The following DLGAP2 variants were observed in gnomAD, a reference collection of about 807,000 sequenced individuals.
DLGAP2 encodes the protein disks large-associated protein 2.
DLGAP2 carries 26 observed loss-of-function variants against 100.3 expected under a neutral mutation model. The observed-to-expected ratio is 0.26, with a 90% CI of 0.19 to 0.36. The LOEUF (loss-of-function observed/expected upper bound fraction) is 0.36. Ranked by LOEUF, DLGAP2 falls within the 10% of genes least tolerant of loss-of-function variation. The pLI, the probability that DLGAP2 is intolerant of heterozygous loss-of-function variation, is 1.00. For synonymous variants in DLGAP2, 886 were observed against 630.1 expected, an observed-to-expected ratio of 1.41 and a Z score of -6.08; for missense variants, 1,858 against 1,453.2, an observed-to-expected ratio of 1.28 and a Z score of -4.53.
At chr8:781,492 C>G (rs1211770224) in intron 1 of DLGAP2, among the ~76,000 whole-genome samples, 2 of 151,932 alleles carry the variant, frequency 1.3e-5, no homozygotes. Flanking sequence ...TTGAGACTTG[C>G]TACAACTGTG....
At chr8:1,676,659 G>A (rs1273877259) in intron 11 of DLGAP2, 41 bp downstream of exon 11, 1 of 1,575,248 alleles carries the variant, frequency 6.3e-7, no homozygotes, top group Non-Finnish European at 8.6e-7. Context: ...CCCCGAGCGA[G>A]GGCTCTTTGT....
intron 1 of DLGAP2, among the ~76,000 whole-genome samples, chr8:831,073 C>G (rs1308138505): frequency 1.3e-5 from 2 of 151,766 alleles, no homozygotes; most frequent in African/African-American, 4.8e-5. Context: ...TTTTTTTGTA[C>G]TTTTAGTAAA....
chr8:1,031,072 C>G (rs1431154157), intron 2 of DLGAP2, among the ~76,000 whole-genome samples: 2 of 152,208 alleles, frequency 1.3e-5, no homozygotes, highest in East Asian at 1.9e-4. Flanking sequence ...TTCCCAGAGC[C>G]TGCCTGGCGT....
intron 2 of DLGAP2, among the ~76,000 whole-genome samples, chr8:1,186,225 A>T (rs938295376): frequency 1.3e-5 from 2 of 152,258 alleles, no homozygotes; most frequent in Non-Finnish European, 2.9e-5. Flanking sequence ...AGTCTGTGGT[A>T]GGTGCCCTAG....
intron 2 of DLGAP2, among the ~76,000 whole-genome samples, chr8:1,049,873 C>G (rs1802624013): frequency 1.4e-5 from 1 of 71,978 alleles, no homozygotes; most frequent in South Asian, 4.0e-4. Context: ...CATTTACAGT[C>G]ACACACAAGT....
chr8:1,214,128 C>G lies in DLGAP2; in HGVS notation c.74-44723C>G, dbSNP rs75559315. 2.9e-3 allele frequency among the ~76,000 whole-genome samples: 442 copies of G among 152,314 alleles called. 14 individuals are homozygous for G. The East Asian group carries it at 0.06, about 21-fold the overall frequency. The stretch of plus-strand genomic sequence containing the variant: ...GGGGCCTTGCGTCTTACCACACTTT[C>G]TCCCAGCCCCCTTCCCTCCACACCT... On this transcript the variant is annotated intron_variant, in intron 2 of 14. Transcript: ENST00000637795.
At chr8:1,327,005 T>G in intron 3 of DLGAP2, among the ~76,000 whole-genome samples, 1 of 152,208 alleles carries the variant, frequency 6.6e-6, no homozygotes, top group Middle Eastern at 3.2e-3. Context: ...GAGGGTGAAC[T>G]AAGGCCTAGG....
chr8:861,515 T>C (rs545034013), intron 1 of DLGAP2, among the ~76,000 whole-genome samples: 1 of 152,342 alleles, frequency 6.6e-6, no homozygotes, highest in South Asian at 2.1e-4. Context: ...TCGTATTTCT[T>C]ACTGCTTAGT....
intron 1 of DLGAP2, among the ~76,000 whole-genome samples, chr8:746,651 AGGT>A (rs1820624899): frequency 1.3e-5 from 2 of 152,256 alleles, no homozygotes; most frequent in Admixed American, 1.3e-4. Context: ...GCAGGTGCTG[AGGT>A]GGACAGTGGT....
At chr8:1,028,509 C>T (rs1187516583) in intron 2 of DLGAP2, among the ~76,000 whole-genome samples, 1 of 152,176 alleles carries the variant, frequency 6.6e-6, no homozygotes, top group Non-Finnish European at 1.5e-5. Flanking sequence ...CCGTTATTCT[C>T]CACATGCGGT....
rs148537081 is a variant in DLGAP2, at chr8:1,386,412, A to T, written c.107-114954A>T. ...GGAGCCTGTGAGCTTTCAGGGAGAA[A>T]AGACAGATCGAGAAACCAGATGGCT... is the stretch of plus-strand genomic sequence containing the variant. On this transcript the variant is annotated intron_variant, in intron 3 of 14. Coordinates refer to ENST00000637795, the MANE Select transcript of DLGAP2 (RefSeq NM_001346810.2). Among the ~76,000 whole-genome samples the T allele has an allele frequency of 3.4e-3, 520 of 152,304 alleles. 3 individuals carry two copies. The highest frequency in any genetic ancestry group is 0.012 in the African/African-American group (492 of 41,548).
At chr8:1,039,267 T>C (rs964176512) in intron 2 of DLGAP2, among the ~76,000 whole-genome samples, 10 of 149,464 alleles carry the variant, frequency 6.7e-5, no homozygotes, top group African/African-American at 2.0e-4. Flanking sequence ...TCAGTTTCCA[T>C]GGTCGGCTCG....
rs145232923 is a variant in DLGAP2, at chr8:1,450,737, C to T, written c.107-50629C>T. On this transcript the variant is annotated intron_variant, in intron 3 of 14. Coordinates refer to ENST00000637795, the MANE Select transcript of DLGAP2 (RefSeq NM_001346810.2). ...GAGGAGGGGGCCAAGCGACAGGCACCGTCCTCCACGCAGCATGGCTATGTC... is the reference window on the plus strand; with the variant it reads ...GAGGAGGGGGCCAAGCGACAGGCACTGTCCTCCACGCAGCATGGCTATGTC... Among the ~76,000 whole-genome samples, 58 of 152,198 alleles carry T rather than the reference C, an allele frequency of 3.8e-4. 1 individual carries two copies. The East Asian group carries it at 0.011, about 28-fold the overall frequency.
intron 2 of DLGAP2, among the ~76,000 whole-genome samples, chr8:973,291 G>A (rs1281532750): frequency 1.9e-4 from 28 of 148,338 alleles, no homozygotes; most frequent in African/African-American, 5.1e-4. Context: ...CTGGCCGGGC[G>A]GGGGCTGTCC....
intron 2 of DLGAP2, among the ~76,000 whole-genome samples, chr8:1,243,864 T>C (rs1454015393): frequency 2.0e-5 from 3 of 152,222 alleles, no homozygotes. Context: ...GTAACCTCAC[T>C]ATCCACATGA....
chr8:897,060 ACC>A (rs1408564862), intron 1 of DLGAP2, among the ~76,000 whole-genome samples: 4 of 151,948 alleles, frequency 2.6e-5, no homozygotes, highest in Non-Finnish European at 5.9e-5. Context: ...ATCGGAGGAA[ACC>A]CCCTCACTGG....
At chr8:918,023 T>C (rs1005983452) in intron 2 of DLGAP2, among the ~76,000 whole-genome samples, 3 of 152,226 alleles carry the variant, frequency 2.0e-5, no homozygotes, top group African/African-American at 7.2e-5. Flanking sequence ...GTTGCATGTC[T>C]AGGGCTGTGG....
intron 2 of DLGAP2, among the ~76,000 whole-genome samples, chr8:1,017,804 T>A (rs1801510767): frequency 6.6e-6 from 1 of 152,204 alleles, no homozygotes; most frequent in East Asian, 1.9e-4. Context: ...CTCACTCCTC[T>A]CCACGCTACT....
chr8:888,616 T>C (rs1157883726), intron 1 of DLGAP2, among the ~76,000 whole-genome samples: 1 of 151,958 alleles, frequency 6.6e-6, no homozygotes, highest in Non-Finnish European at 1.5e-5. Context: ...TTTTTTTTTT[T>C]CAATAATCCG....
Sources: allele counts gnomAD v4.1 joint callset (sites outside exome capture counted in the v4.1 genomes callset), GRCh38; gene constraint gnomAD v4.1.1; transcripts MANE v1.5; gene names NCBI Gene and HGNC (gene_info 2026-07-23, HGNC 2026-07-21).